Variants in UTRN observed in about 807,000 individuals in gnomAD.
The protein encoded by UTRN is dystrophin-related protein 1.
Under a neutral mutation model 463.9 loss-of-function variants are expected in UTRN, and 283 were observed. The observed-to-expected ratio is 0.61, with a 90% confidence interval of 0.55 to 0.67. The LOEUF (loss-of-function observed/expected upper bound fraction) is 0.67. UTRN is among the 30% of genes least tolerant of loss of function. UTRN has a pLI of 0.00. For synonymous variants in UTRN, 1,442 were observed against 1,431.5 expected (o/e 1.01, Z -0.17); for missense variants, 3,922 against 4,084.3 (o/e 0.96, Z 1.08).
intron 30 of UTRN, among the ~76,000 whole-genome samples, chr6:144,489,868 C>G (rs762241258): frequency 6.6e-6 from 1 of 152,102 alleles, no homozygotes; most frequent in African/African-American, 2.4e-5. Flanking sequence ...GATCCACCCG[C>G]CTCGGCCTCC....
At chr6:144,735,607 T>C (rs1462359920) in intron 54 of UTRN, among the ~76,000 whole-genome samples, 1 of 152,166 alleles carries the variant, frequency 6.6e-6, no homozygotes, top group Non-Finnish European at 1.5e-5. Flanking sequence ...AAATAAGAAG[T>C]TCACTTGTCT....
chr6:144,509,958 A>G (rs1795039226), intron 34 of UTRN, among the ~76,000 whole-genome samples: 1 of 151,976 alleles, frequency 6.6e-6, no homozygotes, highest in Non-Finnish European at 1.5e-5. Flanking sequence ...GGTATCCTTT[A>G]TTTTCTCCCC....
At chr6:144,567,927 T>A (rs1002912991) in intron 50 of UTRN, among the ~76,000 whole-genome samples, 1 of 152,150 alleles carries the variant, frequency 6.6e-6, no homozygotes, top group Non-Finnish European at 1.5e-5. Context: ...AAATAATATA[T>A]CTTGTAGCTT....
At chr6:144,734,155 A>G (rs1789092116) in intron 54 of UTRN, among the ~76,000 whole-genome samples, 1 of 152,204 alleles carries the variant, frequency 6.6e-6, no homozygotes, top group South Asian at 2.1e-4. Flanking sequence ...TTTAACAACA[A>G]GGAAAATGAG....
At chr6:144,544,983 T>TA (rs765876217) in intron 46 of UTRN, among the ~76,000 whole-genome samples, 2 of 152,182 alleles carry the variant, frequency 1.3e-5, no homozygotes, top group Non-Finnish European at 2.9e-5. Context: ...TAACATTGGA[T>TA]ATACTACAAT....
At chr6:144,379,079 G>C (rs1182872624) in intron 2 of UTRN, among the ~76,000 whole-genome samples, 2 of 152,200 alleles carry the variant, frequency 1.3e-5, no homozygotes, top group African/African-American at 4.8e-5. Flanking sequence ...GATGGGTTAA[G>C]GTTGAAATGA....
intron 2 of UTRN, among the ~76,000 whole-genome samples, chr6:144,324,045 C>G (rs1394899002): frequency 2.0e-5 from 3 of 152,166 alleles, no homozygotes; most frequent in Non-Finnish European, 4.4e-5. Context: ...TATCTGTTTT[C>G]AGAACTTGGA....
chr6:144,312,477 G>A (rs935837839), intron 2 of UTRN, among the ~76,000 whole-genome samples: 7 of 151,270 alleles, frequency 4.6e-5, no homozygotes, highest in Non-Finnish European at 1.0e-4. Context: ...AATGTAAGCC[G>A]TTACCTCCAT....
rs1781508061 is a variant in UTRN, at chr6:144,840,828, C to G, written c.10266C>G (p.Cys3422Trp). The change falls in exon 73 of 75, where the codon TGC (cysteine) becomes TGG (tryptophan). Residue 3422 changes from cysteine to tryptophan, a missense_variant. Transcript: ENST00000367545. ...MEQIHSTFPS[C>W]CPNVPSRPQA... ...AGATTCACAGCACGTTTCCATCTTG[C>G]TGCCGTGAGTATGAAAGATTGCAGC... 6.2e-7 allele frequency: 1 copy of G among 1,613,820 alleles called. No individual in the cohort carries two copies. The highest frequency in any genetic ancestry group is 1.3e-5 in the African/African-American group (1 of 74,930).
chr6:144,324,600 A>G (rs1056678259), intron 2 of UTRN, among the ~76,000 whole-genome samples: 4 of 152,232 alleles, frequency 2.6e-5, no homozygotes, highest in African/African-American at 9.6e-5. Context: ...ACACTGCTCC[A>G]TGTGAAACTC....
intron 52 of UTRN, among the ~76,000 whole-genome samples, chr6:144,698,005 G>A (rs764451613): frequency 1.3e-5 from 2 of 152,144 alleles, no homozygotes; most frequent in Non-Finnish European, 2.9e-5. Flanking sequence ...TTTTGCACAC[G>A]GAGACACTCA....
In UTRN at chr6:144,735,805, A is replaced by T. The variant is rs146982974; in HGVS notation, c.7939+5319A>T. Among the ~76,000 whole-genome samples, 307 of 152,018 alleles carry T rather than the reference A, an allele frequency of 2.0e-3. 3 individuals are homozygous for T. Among genetic ancestry groups the T allele is most frequent in the African/African-American group, 7.0e-3 (292 of 41,494 alleles). ...GGGTTAAAACGATATTGTATAATTTAAAAAAAAGTTTCATGAACATTCTAG... is the reference window on the plus strand; with the variant it reads ...GGGTTAAAACGATATTGTATAATTTTAAAAAAAGTTTCATGAACATTCTAG... On this transcript the variant is annotated intron_variant, in intron 54 of 74. Transcript: ENST00000367545.
At chr6:144,763,052 T>C (rs1792890705) in intron 58 of UTRN, among the ~76,000 whole-genome samples, 1 of 152,182 alleles carries the variant, frequency 6.6e-6, no homozygotes, top group African/African-American at 2.4e-5. Flanking sequence ...CACTGGAGTC[T>C]GCAGTGCAGA....
chr6:144,607,655 TACACTTAGAGATGG>T (rs780662305), intron 51 of UTRN, among the ~76,000 whole-genome samples: 14 of 152,200 alleles, frequency 9.2e-5, no homozygotes, highest in Non-Finnish European at 2.1e-4. Context: ...ACTTCATCAG[TACACTTAGAGATGG>T]ACACTCATCA....
chr6:144,461,416 T>C, intron 22 of UTRN, 74 bp downstream of exon 22: 1 of 1,341,430 alleles, frequency 7.5e-7, no homozygotes, highest in African/African-American at 1.5e-5. Context: ...GAAATGTTTT[T>C]TCAGAGATTA....
Position 144,514,728 on chromosome 6 carries a change from C to G in UTRN, c.5152C>G (p.Arg1718Gly), listed in dbSNP as rs201804240. The G allele has an allele frequency of 6.8e-6, 11 of 1,614,014 alleles. No homozygotes were observed. The highest frequency in any genetic ancestry group is 9.3e-6 in the Non-Finnish European group (11 of 1,179,988). ...TCAAGCCCTTATTTTGATGAATGCC[C>G]GTGGAAGCTCAAGCAGGGAGCTTGT... ...RDQALILMNA[R>G]GSSSRELVEP... The change falls in exon 37 of 75, where the codon CGT (arginine) becomes GGT (glycine). Residue 1718 changes from arginine to glycine, a missense_variant. By Grantham distance (125) the Arg-to-Gly change is moderately radical (BLOSUM62 -2). Around this residue, in one of 3 missense-constraint regions of UTRN, gnomAD observed 2,349 missense variants for 2,303.8 expected, o/e 1.02. Transcript: ENST00000367545.
At chr6:144,610,736 G>A (rs759648164) in intron 51 of UTRN, among the ~76,000 whole-genome samples, 4 of 152,102 alleles carry the variant, frequency 2.6e-5, no homozygotes, top group African/African-American at 9.7e-5. Flanking sequence ...TTAGCCGGGC[G>A]TGGTGGCACT....
intron 53 of UTRN, among the ~76,000 whole-genome samples, chr6:144,717,136 A>G (rs754558460): frequency 6.6e-6 from 1 of 152,224 alleles, no homozygotes; most frequent in Non-Finnish European, 1.5e-5. Flanking sequence ...AAGCTTTACC[A>G]TACCCTGGCC....
At position 144,362,944 on chromosome 6, in the gene UTRN, G is replaced by A. The variant is rs530076086; in HGVS notation, c.80-40179G>A. ...GTTATATTTATGCTTATTTTGTTAA[G>A]TGCTCAGTTTCTCTTAGGTTTTGTA... On this transcript the variant is annotated intron_variant, in intron 2 of 74. Transcript: ENST00000367545. Among the ~76,000 whole-genome samples, 4 of 152,202 alleles carry A rather than the reference G, an allele frequency of 2.6e-5. No homozygotes were observed. In the South Asian group the frequency reaches 8.3e-4, roughly 32 times the overall value.
Sources: gnomAD v4.1 joint callset for allele counts (sites outside exome capture counted in the v4.1 genomes callset) on GRCh38, gnomAD v4.1.1 for gene constraint, gnomAD v4.1.1 regional missense constraint, MANE v1.5 for transcripts, NCBI Gene and HGNC (gene_info 2026-07-23, HGNC 2026-07-21) for gene names.